PCDHGA11: variants seen among roughly 807,000 people sequenced by gnomAD.
PCDHGA11 encodes protocadherin gamma subfamily A, 11.
Under a neutral mutation model 60.4 loss-of-function variants are expected in PCDHGA11, and 39 were observed. The ratio of observed to expected loss-of-function variants is 0.65; its 90% CI spans 0.50 to 0.84. The LOEUF is 0.84. Ranked by LOEUF, PCDHGA11 falls within the 40% of genes least tolerant of loss-of-function variation. PCDHGA11 has a pLI of 0.00. For missense variants in PCDHGA11, 1,165 were observed against 1,197.7 expected, an observed-to-expected ratio of 0.97 and a Z score of 0.40; for synonymous variants, 533 against 510.3, an observed-to-expected ratio of 1.04 and a Z score of -0.60.
intron 1 of PCDHGA11, among the ~76,000 whole-genome samples, chr5:141,447,983 G>A (rs1311439824): frequency 6.6e-6 from 1 of 151,972 alleles, no homozygotes; most frequent in Non-Finnish European, 1.5e-5. Context: ...CTACTCGGGA[G>A]GCTGAGGCAT....
chr5:141,428,949 G>T (rs2097173007), intron 1 of PCDHGA11: 1 of 152,034 alleles, frequency 6.6e-6, no homozygotes, highest in Admixed American at 6.6e-5. Flanking sequence ...CTGCCTTCCG[G>T]GTTCTGGCCA....
At chr5:141,456,949 C>A (rs1277351419) in intron 1 of PCDHGA11, among the ~76,000 whole-genome samples, 2 of 152,080 alleles carry the variant, frequency 1.3e-5, no homozygotes, top group East Asian at 3.9e-4. Flanking sequence ...GGCAACAGAG[C>A]AAAACTCCAT....
intron 1 of PCDHGA11, among the ~76,000 whole-genome samples, chr5:141,466,436 G>A (rs181613158): frequency 1.3e-5 from 2 of 152,270 alleles, no homozygotes; most frequent in East Asian, 1.9e-4. Context: ...AAGCTGAACC[G>A]AGATGTCTAT....
intron 1 of PCDHGA11, among the ~76,000 whole-genome samples, chr5:141,462,086 A>C (rs993185274): frequency 6.6e-6 from 1 of 151,410 alleles, no homozygotes; most frequent in Non-Finnish European, 1.5e-5. Flanking sequence ...GCCTCCCAAA[A>C]TGCTGGGATT....
chr5:141,438,583 CATACATACATATATAT>C (rs1183800202), intron 1 of PCDHGA11, among the ~76,000 whole-genome samples: 1 of 57,610 alleles, frequency 1.7e-5, no homozygotes, highest in African/African-American at 9.0e-5. Context: ...TACATACATA[CATACATACATATATAT>C]ATATATATAT....
At chr5:141,427,984 C>A (rs754620535) in intron 1 of PCDHGA11, 6 of 1,597,376 alleles carry the variant, frequency 3.8e-6, no homozygotes, top group Non-Finnish European at 4.3e-6. Flanking sequence ...GCGCTGGGGC[C>A]CGATGGCTCC....
chr5:141,487,069 T>C lies in PCDHGA11; in HGVS notation c.2434-7738T>C, dbSNP rs750739955. 26 of 1,614,160 alleles carry C rather than the reference T, an allele frequency of 1.6e-5. No homozygotes were observed. Among genetic ancestry groups the C allele is most frequent in the Non-Finnish European group, 2.0e-5 (24 of 1,180,002 alleles). On this transcript the variant is annotated intron_variant, in intron 1 of 3. Transcript: ENST00000398587. This position sits in a 1 kb window ranked among gnomAD's most constrained non-coding sequence, Gnocchi z 5.0. The stretch of plus-strand genomic sequence containing the variant: ...ATGCTGGGGAGGTGCGGACGGCTGT[T>C]CCTATCCCAGCTGACCTCCCACCAC...
At chr5:141,467,352 C>A (rs2099142466) in intron 1 of PCDHGA11, among the ~76,000 whole-genome samples, 1 of 152,140 alleles carries the variant, frequency 6.6e-6, no homozygotes, top group South Asian at 2.1e-4. Context: ...TGCCCCCGGC[C>A]AAATCAACGT....
intron 1 of PCDHGA11, among the ~76,000 whole-genome samples, chr5:141,481,913 CAAAAAAA>C (rs34114744): frequency 2.2e-5 from 2 of 90,812 alleles, no homozygotes; most frequent in Admixed American, 1.2e-4. Context: ...AACTCCATCT[CAAAAAAA>C]AAAAAAAAAA....
intron 1 of PCDHGA11, among the ~76,000 whole-genome samples, chr5:141,465,300 G>A (rs904996219): frequency 1.3e-5 from 2 of 152,112 alleles, no homozygotes; most frequent in Non-Finnish European, 2.9e-5. Flanking sequence ...TGAGAGTCCT[G>A]GGAATTTAGC....
In PCDHGA11 at chr5:141,421,579, T is replaced by G. The variant is rs753573473; in HGVS notation, c.352T>G (p.Tyr118Asp). ...TCTCGTGGAAGACACCTTGAAGATTTACGGAGTGGAGGTGGAAATAATAGA... is the reference window on the plus strand; with the variant it reads ...TCTCGTGGAAGACACCTTGAAGATTGACGGAGTGGAGGTGGAAATAATAGA... ...ELLVEDTLKIYGVEVEIIDIN... is the reference protein window; with the variant it reads ...ELLVEDTLKIDGVEVEIIDIN... The change falls in exon 1 of 4, where the codon TAC (tyrosine) becomes GAC (aspartate). Residue 118 changes from tyrosine to aspartate, a missense_variant. Transcript: ENST00000398587. The G allele has an allele frequency of 1.9e-6, 3 of 1,613,816 alleles. No individual in the cohort carries two copies. Among genetic ancestry groups the G allele is most frequent in the Non-Finnish European group, 2.5e-6 (3 of 1,179,868 alleles).
At chr5:141,427,712 C>CCTGG (rs1319672065) in intron 1 of PCDHGA11, 7 of 1,051,350 alleles carry the variant, frequency 6.7e-6, no homozygotes, top group Non-Finnish European at 1.0e-5. Context: ...GCGCCTCTGA[C>CCTGG]CTGGACCTAG....
chr5:141,476,417 C>A lies in PCDHGA11; in HGVS notation c.2434-18390C>A. ...GGATCGAGAGGAGCTGTGTGGGACA[C>A]TGCCCTCTTGCACTGTAACTCTGGA... is the stretch of plus-strand genomic sequence containing the variant. On this transcript the variant is annotated intron_variant, in intron 1 of 3. Coordinates refer to ENST00000398587, the MANE Select transcript of PCDHGA11 (RefSeq NM_018914.3). This position sits in a 1 kb window ranked among gnomAD's most constrained non-coding sequence, Gnocchi z 7.6. The A allele has an allele frequency of 6.2e-7, 1 of 1,614,112 alleles. No homozygotes were observed. The highest frequency in any genetic ancestry group is 8.5e-7 in the Non-Finnish European group (1 of 1,179,994).
intron 1 of PCDHGA11, among the ~76,000 whole-genome samples, chr5:141,445,851 A>G (rs957077325): frequency 2.0e-5 from 3 of 152,210 alleles, no homozygotes; most frequent in African/African-American, 7.2e-5. Context: ...CACACTTAAA[A>G]TTCTGGATTT....
intron 1 of PCDHGA11, among the ~76,000 whole-genome samples, chr5:141,472,611 G>T (rs1055885253): frequency 1.3e-5 from 2 of 151,938 alleles, no homozygotes; most frequent in South Asian, 4.1e-4. Context: ...ATAAAACAAA[G>T]AAGAAAAAAG....
chr5:141,485,009 C>A lies in PCDHGA11; in HGVS notation c.2434-9798C>A, dbSNP rs531346426. 4 of 628,216 alleles carry A rather than the reference C, an allele frequency of 6.4e-6. No individual in the cohort carries two copies. Among genetic ancestry groups the A allele is most frequent in the African/African-American group, 3.7e-5 (2 of 54,100 alleles). 38.9% of individuals were successfully genotyped at this position (628,216 alleles called of 1,614,324 possible). On this transcript the variant is annotated intron_variant, in intron 1 of 3. Transcript: ENST00000398587. This position sits in a 1 kb window ranked among gnomAD's most constrained non-coding sequence, Gnocchi z 5.7. Reference sequence around the variant, plus strand: ...GGTGGTGAAAGGCAGACAAATCTACCCCGCCACCAGCAAAAACGGCGCGTA... The same window carrying A: ...GGTGGTGAAAGGCAGACAAATCTACACCGCCACCAGCAAAAACGGCGCGTA...
chr5:141,495,449 G>T (rs1249221693), intron 2 of PCDHGA11, among the ~76,000 whole-genome samples: 1 of 152,194 alleles, frequency 6.6e-6, no homozygotes, highest in East Asian at 1.9e-4. Flanking sequence ...TACTTGTCCT[G>T]CTCTCTGTCT....
intron 2 of PCDHGA11, 114 bp from the exon 3 acceptor site, chr5:141,505,279 C>A (rs780513022): frequency 1.3e-6 from 2 of 1,541,274 alleles, no homozygotes; most frequent in Non-Finnish European, 1.7e-6. Flanking sequence ...AGAAACAGGT[C>A]TTGGGCATGG....
Position 141,493,891 on chromosome 5 carries a change from G to A in PCDHGA11, c.2434-916G>A, listed in dbSNP as rs1595204910. On this transcript the variant is annotated intron_variant, in intron 1 of 3. Transcript: ENST00000398587. The surrounding 1 kb of genome is among the most constrained non-coding windows in gnomAD (Gnocchi z 4.3). ...CCAGTGAGGAGGTGGCTCTAGGAGT[G>A]CTCCATGAGAGTGTGTGATGGGATA... Among the ~76,000 whole-genome samples, 1 of 152,300 alleles carries A rather than the reference G, an allele frequency of 6.6e-6. No homozygotes were observed. The highest frequency in any genetic ancestry group is 1.5e-5 in the Non-Finnish European group (1 of 68,018).
Sources: gnomAD v4.1 joint callset for allele counts (sites outside exome capture counted in the v4.1 genomes callset) on GRCh38, gnomAD v4.1.1 for gene constraint, Gnocchi (gnomAD v3.1) non-coding constraint, MANE v1.5 for transcripts, NCBI Gene and HGNC (gene_info 2026-07-23, HGNC 2026-07-21) for gene names.